Variants in EVI5 observed in about 807,000 individuals in gnomAD.
EVI5 encodes the protein ecotropic viral integration site 5 protein homolog.
In EVI5, 73 loss-of-function variants were observed where a neutral mutation model predicts 112.0. That is an observed-to-expected ratio of 0.65 (90% CI 0.54 to 0.79). The LOEUF (loss-of-function observed/expected upper bound fraction) is 0.79. EVI5 is among the 30% of genes least tolerant of loss of function. The probability of loss-of-function intolerance (pLI) is 0.00; values close to 1 mark genes in which losing one functional copy is unlikely to be tolerated. For synonymous variants in EVI5, 305 were observed against 319.9 expected, an observed-to-expected ratio of 0.95 and a Z score of 0.50; for missense variants, 900 against 968.8, an observed-to-expected ratio of 0.93 and a Z score of 0.94.
At chr1:92,550,809 TATATAA>T (rs1266486389) in intron 19 of EVI5, among the ~76,000 whole-genome samples, 29 of 94,934 alleles carry the variant, frequency 3.1e-4, no homozygotes, top group African/African-American at 1.2e-3. Flanking sequence ...TATATATATA[TATATAA>T]CAAAAAAAAC....
chr1:92,586,802 G>T (rs1331813035), intron 18 of EVI5, among the ~76,000 whole-genome samples: 1 of 151,282 alleles, frequency 6.6e-6, no homozygotes, highest in African/African-American at 2.4e-5. Flanking sequence ...GTGCAGGTTA[G>T]CTACATATGT....
At chr1:92,790,966 C>T (rs1686053997) in intron 1 of EVI5, among the ~76,000 whole-genome samples, 1 of 152,192 alleles carries the variant, frequency 6.6e-6, no homozygotes, top group Non-Finnish European at 1.5e-5. Context: ...TCTCTTGATA[C>T]TTGTGCACAG....
chr1:92,747,736 A>AAT (rs1679521253), intron 1 of EVI5, among the ~76,000 whole-genome samples: 1 of 150,762 alleles, frequency 6.6e-6, no homozygotes, highest in African/African-American at 2.4e-5. Flanking sequence ...AACAAAAAAA[A>AAT]AAACCACCCA....
intron 19 of EVI5, among the ~76,000 whole-genome samples, chr1:92,539,345 ATC>A (rs1299842357): frequency 6.6e-6 from 1 of 152,092 alleles, no homozygotes; most frequent in African/African-American, 2.4e-5. Context: ...GATGGAGACC[ATC>A]CTGGCTAACA....
At chr1:92,789,039 G>A (rs1465928860), upstream of EVI5, among the ~76,000 whole-genome samples, 2 of 152,076 alleles carry the variant, frequency 1.3e-5, no homozygotes, top group African/African-American at 4.8e-5. Flanking sequence ...CCCCTGGAAA[G>A]TGGTGGCAGA....
In EVI5 at chr1:92,625,892, G is replaced by A; in HGVS notation, c.1570C>T (p.Gln524Ter). The change falls in exon 15 of 20, where the codon CAG becomes TAG. Residue 524 changes from glutamine to a stop codon, truncating the protein, a stop_gained. Transcript: ENST00000684568. LOFTEE classifies it high-confidence loss of function. ...LPDENNIARL[Q>*]EELIAVKLRE... ...AGTTTCACAGCAATGAGTTCTTCCT[G>A]AAGCCTTGCAATATTATTCTCATCA... 1 of 1,608,858 alleles carries A rather than the reference G, an allele frequency of 6.2e-7. No individual in the cohort carries two copies. The highest frequency in any genetic ancestry group is 2.2e-5 in the East Asian group (1 of 44,784).
intron 19 of EVI5, among the ~76,000 whole-genome samples, chr1:92,532,159 TTAAAC>T (rs1452355702): frequency 6.6e-6 from 1 of 151,834 alleles, no homozygotes; most frequent in Non-Finnish European, 1.5e-5. Context: ...AAAACAGACT[TTAAAC>T]TAACAAAGAT....
intron 19 of EVI5, among the ~76,000 whole-genome samples, chr1:92,531,147 G>A (rs982858615): frequency 1.3e-5 from 2 of 151,800 alleles, no homozygotes; most frequent in Non-Finnish European, 2.9e-5. Flanking sequence ...GCATACACAA[G>A]TATCAATAGC....
At chr1:92,762,973 T>TA (rs561882613) in intron 1 of EVI5, among the ~76,000 whole-genome samples, 48 of 151,374 alleles carry the variant, frequency 3.2e-4, no homozygotes, top group African/African-American at 1.0e-3. Context: ...TCTGTAAAAA[T>TA]AAAAAAAAGG....
At chr1:92,765,595 A>G (rs1467199514) in intron 1 of EVI5, among the ~76,000 whole-genome samples, 1 of 151,782 alleles carries the variant, frequency 6.6e-6, no homozygotes, top group Non-Finnish European at 1.5e-5. Flanking sequence ...GCTCTACTAC[A>G]CCATGCCACT....
At chr1:92,639,455 T>C (rs1659521709) in intron 13 of EVI5, among the ~76,000 whole-genome samples, 1 of 151,234 alleles carries the variant, frequency 6.6e-6, no homozygotes. Context: ...AAAGTAAATA[T>C]TTGTATTGGG....
chr1:92,558,999 G>A (rs1199810678), intron 19 of EVI5, among the ~76,000 whole-genome samples: 2 of 152,080 alleles, frequency 1.3e-5, no homozygotes, highest in Non-Finnish European at 2.9e-5. Context: ...TGGGAGAATG[G>A]GTCCAGGATG....
Position 92,736,692 on chromosome 1 carries a change from A to AT in EVI5, c.-81-66_-81-65insA, listed in dbSNP as rs1677507941. ...CTGTATTCATTACCGAGAACTTAAT[A>AT]ATTCTGTTAGGATTTACTTAATAAC... is the stretch of plus-strand genomic sequence containing the variant. On this transcript the variant is annotated intron_variant, in intron 1 of 19. Transcript: ENST00000684568. 2.8e-5 allele frequency: 29 copies of AT among 1,044,996 alleles called. No homozygotes were observed. In the South Asian group the frequency reaches 3.4e-4, roughly 12 times the overall value. 64.7% of individuals were successfully genotyped at this position (1,044,996 alleles called of 1,614,324 possible). A position where few individuals can be genotyped will look rare whatever the true frequency, so the allele number is the denominator to read the frequency against.
chr1:92,696,933 G>A (rs193277498), intron 6 of EVI5, among the ~76,000 whole-genome samples: 3 of 152,082 alleles, frequency 2.0e-5, no homozygotes, highest in Admixed American at 1.3e-4. Flanking sequence ...CCAGCTACTT[G>A]GGAGACTGAG....
At chr1:92,581,751 G>C (rs1186610112) in intron 18 of EVI5, among the ~76,000 whole-genome samples, 1 of 147,268 alleles carries the variant, frequency 6.8e-6, no homozygotes, top group Non-Finnish European at 1.5e-5. Flanking sequence ...AATTCTGGGA[G>C]TTTCAAGCCA....
At chr1:92,637,380 AG>A (rs1488095205) in intron 13 of EVI5, among the ~76,000 whole-genome samples, 2 of 150,908 alleles carry the variant, frequency 1.3e-5, no homozygotes, top group Non-Finnish European at 1.5e-5. Flanking sequence ...TCTTGTCTCA[AG>A]AAAAAAAAAA....
chr1:92,757,340 G>A (rs1272779455), intron 1 of EVI5, among the ~76,000 whole-genome samples: 1 of 151,974 alleles, frequency 6.6e-6, no homozygotes, highest in African/African-American at 2.4e-5. Flanking sequence ...AAAAACAAAC[G>A]TTTATCTTGG....
At chr1:92,611,894 T>C (rs1651908570) in intron 16 of EVI5, among the ~76,000 whole-genome samples, 1 of 151,300 alleles carries the variant, frequency 6.6e-6, no homozygotes, top group South Asian at 2.1e-4. Context: ...CACTCAAGCC[T>C]GGACAAAACA....
At chr1:92,757,542 T>C (rs1184796865) in intron 1 of EVI5, among the ~76,000 whole-genome samples, 4 of 151,932 alleles carry the variant, frequency 2.6e-5, no homozygotes, top group African/African-American at 9.7e-5. Flanking sequence ...CTATTATAAA[T>C]AGTATAGGTA....
Sources: gnomAD v4.1 joint callset for allele counts (sites outside exome capture counted in the v4.1 genomes callset) on GRCh38, gnomAD v4.1.1 for gene constraint, MANE v1.5 for transcripts, NCBI Gene and HGNC (gene_info 2026-07-23, HGNC 2026-07-21) for gene names.